The following RAMAC variants were observed in gnomAD, a reference collection of about 807,000 sequenced individuals.
RAMAC encodes the protein RNA guanine-7 methyltransferase activating subunit.
A neutral mutation model predicts 17.9 loss-of-function variants in RAMAC; 11 were observed. The observed-to-expected ratio is 0.61, with a 90% CI of 0.39 to 1.02. The LOEUF is 1.02. RAMAC is among the 50% of genes least tolerant of loss of function. RAMAC has a pLI of 0.01. For synonymous variants in RAMAC, 27 were observed against 48.4 expected (o/e 0.56, Z 1.84); for missense variants, 109 against 144.0 (o/e 0.76, Z 1.25).
chr15:82,990,543 C>CTTTT lies in RAMAC; in HGVS notation c.*487_*490dup, dbSNP rs397854504. On this transcript the variant is annotated 3_prime_UTR_variant, in exon 4 of 4. Coordinates refer to ENST00000304191, the MANE Select transcript of RAMAC (RefSeq NM_031452.4). The stretch of plus-strand genomic sequence containing the variant: ...CAGCAGTTGAAAGGTAAAACAATTG[C>CTTTT]TTTTTTTTTTTTTTGCATTTGTTAA... 1.0e-4 allele frequency: 72 copies of CTTTT among 687,614 alleles called. No individual in the cohort carries two copies. The highest frequency in any genetic ancestry group is 4.1e-4 in the Middle Eastern group (1 of 2,418). 42.6% of individuals were successfully genotyped at this position (687,614 alleles called of 1,614,324 possible).
In RAMAC at chr15:82,990,779, C is replaced by A; in HGVS notation, c.*712C>A. On this transcript the variant is annotated 3_prime_UTR_variant, in exon 4 of 4. Coordinates refer to ENST00000304191, the MANE Select transcript of RAMAC (RefSeq NM_031452.4). Reference sequence around the variant, plus strand: ...GCTAACAACATAGCAGGTCAAAATTCACACATAAGAAAGTTTAACTCTGTA... The same window carrying A: ...GCTAACAACATAGCAGGTCAAAATTAACACATAAGAAAGTTTAACTCTGTA... 1 of 759,014 alleles carries A rather than the reference C, an allele frequency of 1.3e-6. No individual in the cohort carries two copies. The highest frequency in any genetic ancestry group is 1.7e-5 in the South Asian group (1 of 60,008). 47.0% of individuals were successfully genotyped at this position (759,014 alleles called of 1,614,324 possible).
chr15:82,990,766 G>A lies in RAMAC; in HGVS notation c.*699G>A, dbSNP rs2030824996. The stretch of plus-strand genomic sequence containing the variant: ...ACTAAAGCTTTTTGCTAACAACATA[G>A]CAGGTCAAAATTCACACATAAGAAA... On this transcript the variant is annotated 3_prime_UTR_variant, in exon 4 of 4. Transcript: ENST00000304191. 3 of 883,792 alleles carry A rather than the reference G, an allele frequency of 3.4e-6. No homozygotes were observed. Among genetic ancestry groups the A allele is most frequent in the Non-Finnish European group, 5.4e-6 (3 of 556,104 alleles). The allele number at this position is 883,792 out of a possible 1,614,324, so 54.7% of individuals were successfully genotyped here.
At chr15:82,989,746 A>G (rs1286124325) in intron 3 of RAMAC, 135 bp from the exon 4 acceptor site, 28 of 1,152,706 alleles carry the variant, frequency 2.4e-5, no homozygotes, top group Non-Finnish European at 3.4e-5. Context: ...GCACTATAAC[A>G]TTCTATTGTG....
At position 82,990,115 on chromosome 15, in the gene RAMAC, A is replaced by G; in HGVS notation, c.*48A>G. On this transcript the variant is annotated 3_prime_UTR_variant, in exon 4 of 4. Transcript: ENST00000304191. ...TAAAAGCATTTACTCTGTTACCATG[A>G]GAAAAGTTTGGGTGTCTTCTGTTGG... is the stretch of plus-strand genomic sequence containing the variant. The G allele has an allele frequency of 1.1e-6, 1 of 900,332 alleles. No homozygotes were observed. The highest frequency in any genetic ancestry group is 2.8e-5 in the East Asian group (1 of 36,240). The allele number at this position is 900,332 out of a possible 1,614,324, so 55.8% of individuals were successfully genotyped here.
intron 1 of RAMAC, among the ~76,000 whole-genome samples, chr15:82,986,921 G>T (rs1015548881): frequency 6.6e-6 from 1 of 151,764 alleles, no homozygotes; most frequent in Non-Finnish European, 1.5e-5. Context: ...TCTTTAGAGC[G>T]TTTTTTTGGT....
intron 3 of RAMAC, 25 bp from the exon 4 acceptor site, chr15:82,989,856 G>C: frequency 1.9e-6 from 3 of 1,607,446 alleles, no homozygotes; most frequent in Non-Finnish European, 2.6e-6. Flanking sequence ...GAAGTTTAAA[G>C]ATCTTTTTTG....
chr15:82,989,740 T>C, intron 3 of RAMAC, 141 bp from the exon 4 acceptor site: 4 of 1,087,480 alleles, frequency 3.7e-6, no homozygotes, highest in Non-Finnish European at 5.2e-6. Context: ...TAACTGGCAC[T>C]ATAACATTCT....
rs551439689 is a variant in RAMAC, at chr15:82,988,974, AT to A, written c.-9-28del. 2.3e-5 allele frequency: 35 copies of A among 1,532,904 alleles called. No individual in the cohort carries two copies. In the East Asian group the frequency reaches 6.0e-4, roughly 26 times the overall value. The allele number at this position is 1,532,904 out of a possible 1,614,324, so 95.0% of individuals were successfully genotyped here. On this transcript the variant is annotated intron_variant, in intron 2 of 3. Coordinates refer to ENST00000304191, the MANE Select transcript of RAMAC (RefSeq NM_031452.4). Reference sequence around the variant, plus strand: ...ATTTGGAGAGAGTGTTAATTTTTAAATTTTTTTTAATGGAAATGTCTTTAAA... The same window carrying A: ...ATTTGGAGAGAGTGTTAATTTTTAAATTTTTTTAATGGAAATGTCTTTAAA...
intron 2 of RAMAC, 146 bp from the exon 3 acceptor site, chr15:82,988,864 T>A: frequency 9.0e-6 from 6 of 665,424 alleles, no homozygotes; most frequent in South Asian, 2.1e-5. Flanking sequence ...TTGAATTCAA[T>A]ATCTAAAATA....
chr15:82,989,852 TA>T (rs2030783491), intron 3 of RAMAC, 28 bp from the exon 4 acceptor site: 1 of 1,606,624 alleles, frequency 6.2e-7, no homozygotes, highest in Non-Finnish European at 8.5e-7. Flanking sequence ...AAGGGAAGTT[TA>T]AAGATCTTTT....
At chr15:82,987,292 G>A (rs1389511079) in intron 1 of RAMAC, 44 bp from the exon 2 acceptor site, 1 of 152,116 alleles carries the variant, frequency 6.6e-6, no homozygotes, top group Non-Finnish European at 1.5e-5. Flanking sequence ...CACCTTTTGA[G>A]AGTTTCCTTA....
intron 2 of RAMAC, chr15:82,988,691 G>A (rs1305288144): frequency 2.6e-5 from 12 of 454,178 alleles, no homozygotes; most frequent in South Asian, 1.9e-4. Flanking sequence ...AAATTAGCCG[G>A]GTGTGGGTGG....
chr15:82,986,900 A>G (rs536061843), intron 1 of RAMAC, among the ~76,000 whole-genome samples: 2 of 151,906 alleles, frequency 1.3e-5, no homozygotes, highest in South Asian at 4.2e-4. Flanking sequence ...TTGGAATATT[A>G]GCTTTGGAAG....
Position 82,990,690 on chromosome 15 carries a change from G to A in RAMAC, c.*623G>A, listed in dbSNP as rs2030818569. ...AAGGAAGGAATCATTGTCAGTTTGT[G>A]TCTTGATCTGGTGGTGGTTGGGATA... On this transcript the variant is annotated 3_prime_UTR_variant, in exon 4 of 4. Transcript: ENST00000304191. 1 of 1,497,580 alleles carries A rather than the reference G, an allele frequency of 6.7e-7. No homozygotes were observed. Among genetic ancestry groups the A allele is most frequent in the Non-Finnish European group, 9.1e-7 (1 of 1,098,338 alleles). The allele number at this position is 1,497,580 out of a possible 1,614,324, so 92.8% of individuals were successfully genotyped here.
Position 82,990,724 on chromosome 15 carries a change from C to A in RAMAC, c.*657C>A. On this transcript the variant is annotated 3_prime_UTR_variant, in exon 4 of 4. Coordinates refer to ENST00000304191, the MANE Select transcript of RAMAC (RefSeq NM_031452.4). ...TGGTGGTGGTTGGGATAAGGGTACA[C>A]ATCATTTTATACAAACACTAAAGCT... 7.7e-7 allele frequency: 1 copy of A among 1,304,144 alleles called. No homozygotes were observed. The highest frequency in any genetic ancestry group is 1.3e-5 in the South Asian group (1 of 78,020). The allele number at this position is 1,304,144 out of a possible 1,614,324, so 80.8% of individuals were successfully genotyped here. A position where few individuals can be genotyped will look rare whatever the true frequency, so the allele number is the denominator to read the frequency against.
chr15:82,988,991 T>C lies in RAMAC; in HGVS notation c.-9-19T>C. On this transcript the variant is annotated intron_variant, in intron 2 of 3. Transcript: ENST00000304191. ...ATTTTTAAATTTTTTTTAATGGAAA[T>C]GTCTTTAAAATTGTACAGATTTTCA... 1 of 1,559,046 alleles carries C rather than the reference T, an allele frequency of 6.4e-7. No individual in the cohort carries two copies. The highest frequency in any genetic ancestry group is 8.7e-7 in the Non-Finnish European group (1 of 1,155,672).
In RAMAC at chr15:82,990,597, T is replaced by C; in HGVS notation, c.*530T>C. The C allele has an allele frequency of 1.5e-6, 2 of 1,360,036 alleles. No individual in the cohort carries two copies. The highest frequency in any genetic ancestry group is 1.3e-5 in the South Asian group (1 of 79,028). The allele number at this position is 1,360,036 out of a possible 1,614,324, so 84.2% of individuals were successfully genotyped here. On this transcript the variant is annotated 3_prime_UTR_variant, in exon 4 of 4. Transcript: ENST00000304191. ...ACTATGGTACTTTGTGATTCCTTAATCTATAGATGAGTCAGCTCCACACTT... is the reference window on the plus strand; with the variant it reads ...ACTATGGTACTTTGTGATTCCTTAACCTATAGATGAGTCAGCTCCACACTT...
At chr15:82,989,670 C>G (rs2030774476) in intron 3 of RAMAC, among the ~76,000 whole-genome samples, 1 of 152,146 alleles carries the variant, frequency 6.6e-6, no homozygotes, top group Non-Finnish European at 1.5e-5. Flanking sequence ...GCCTATGTCT[C>G]TGTAAAGTGT....
chr15:82,987,483 GGAGAACATAT>G (rs1257478019), intron 2 of RAMAC, 99 bp downstream of exon 2: 1 of 152,122 alleles, frequency 6.6e-6, no homozygotes, highest in African/African-American at 2.4e-5. Flanking sequence ...GGGAGTCGTG[GGAGAACATAT>G]GAGAACATAA....
Sources: allele counts gnomAD v4.1 joint callset (sites outside exome capture counted in the v4.1 genomes callset), GRCh38; gene constraint gnomAD v4.1.1; transcripts MANE v1.5; gene names NCBI Gene and HGNC (gene_info 2026-07-23, HGNC 2026-07-21).